PTPRT: variants seen among roughly 807,000 people sequenced by gnomAD.
The protein encoded by PTPRT is receptor-type tyrosine-protein phosphatase T.
Under a neutral mutation model 176.8 loss-of-function variants are expected in PTPRT, and 56 were observed. The ratio of observed to expected loss-of-function variants is 0.32; its 90% CI spans 0.26 to 0.40. The LOEUF is 0.40. PTPRT is among the 10% of genes least tolerant of loss of function. PTPRT has a pLI of 1.00. For missense variants in PTPRT, 1,540 were observed against 1,908.2 expected, an observed-to-expected ratio of 0.81 and a Z score of 3.60; for synonymous variants, 783 against 739.0, an observed-to-expected ratio of 1.06 and a Z score of -0.96.
At chr20:43,163,937 C>T (rs946146012) in intron 1 of PTPRT, among the ~76,000 whole-genome samples, 2 of 152,104 alleles carry the variant, frequency 1.3e-5, no homozygotes, top group African/African-American at 4.8e-5. Flanking sequence ...TATACAGATC[C>T]TTGCGTGCTA....
the PTPRT span, among the ~76,000 whole-genome samples, chr20:42,051,006 G>C: frequency 6.6e-6 from 1 of 152,250 alleles, no homozygotes; most frequent in Non-Finnish European, 1.5e-5. Context: ...AACTAAATGG[G>C]AGAAAGATAG....
chr20:42,055,818 G>A, the PTPRT span, among the ~76,000 whole-genome samples: 15 of 152,316 alleles, frequency 9.8e-5, no homozygotes, highest in Middle Eastern at 6.8e-3. Context: ...AACTGGTCTG[G>A]AACAGGTGCC....
At chr20:42,945,532 C>T (rs112612402) in intron 1 of PTPRT, among the ~76,000 whole-genome samples, 43 of 152,338 alleles carry the variant, frequency 2.8e-4, no homozygotes, top group African/African-American at 9.9e-4. Flanking sequence ...CCAGCGGATG[C>T]TCCCTGCTTC....
At chr20:42,792,546 C>T (rs771594809) in intron 2 of PTPRT, among the ~76,000 whole-genome samples, 2 of 152,064 alleles carry the variant, frequency 1.3e-5, no homozygotes, top group African/African-American at 2.4e-5. Context: ...ATTTCACAAG[C>T]AACTGGGAGG....
chr20:43,167,969 C>T (rs1024239472), intron 1 of PTPRT, among the ~76,000 whole-genome samples: 3 of 152,198 alleles, frequency 2.0e-5, no homozygotes, highest in African/African-American at 7.2e-5. Flanking sequence ...GACTACTGAC[C>T]CACAGAAACT....
At chr20:42,980,096 T>C (rs1983190529) in intron 1 of PTPRT, among the ~76,000 whole-genome samples, 1 of 152,102 alleles carries the variant, frequency 6.6e-6, no homozygotes, top group African/African-American at 2.4e-5. Context: ...TCAGAGCAAT[T>C]ATAAATGGTA....
At chr20:42,682,015 T>C (rs962751131) in intron 6 of PTPRT, among the ~76,000 whole-genome samples, 1 of 152,214 alleles carries the variant, frequency 6.6e-6, no homozygotes, top group Non-Finnish European at 1.5e-5. Flanking sequence ...AGAAGCATAG[T>C]GACCTGAGGG....
At chr20:42,627,138 T>C (rs6030379) in intron 7 of PTPRT, among the ~76,000 whole-genome samples, 34,716 of 151,826 alleles carry the variant, frequency 0.23, 4,347 homozygotes, top group Non-Finnish European at 0.29. Context: ...AGATTTTTGG[T>C]ACGATTTTAT....
Position 42,286,995 on chromosome 20 carries a change from C to A in PTPRT, c.2140-4470G>T, listed in dbSNP as rs570526685. ...GGCCAACAAATATATAAAAAATGCT[C>A]AATATCACTAATCATCAGGGACATG... On this transcript the variant is annotated intron_variant, in intron 12 of 30. Coordinates refer to ENST00000373187, the MANE Select transcript of PTPRT (RefSeq NM_007050.6). Among the ~76,000 whole-genome samples the A allele has an allele frequency of 2.4e-3, 362 of 151,984 alleles. 19 individuals carry two copies. The South Asian group carries it at 0.073, about 30-fold the overall frequency.
chr20:42,275,404 G>A (rs77356497), intron 13 of PTPRT, among the ~76,000 whole-genome samples: 2 of 152,116 alleles, frequency 1.3e-5, no homozygotes, highest in Admixed American at 1.3e-4. Flanking sequence ...CGATCAAGTC[G>A]ACTCAGGTGT....
rs368010010 is a variant in PTPRT at position 42,894,509 on chromosome 20, T to C, written c.89-8577A>G. 2.9e-4 allele frequency among the ~76,000 whole-genome samples: 44 copies of C among 151,316 alleles called. 2 individuals carry two copies. In the South Asian group the frequency reaches 8.8e-3, roughly 30 times the overall value. ...AACCCCAATTTTATAGACAAAGAAA[T>C]GAAGGCATAGAAAGGTTAAAAAAAA... On this transcript the variant is annotated intron_variant, in intron 1 of 30. Transcript: ENST00000373187.
At chr20:42,423,729 GATAA>G (rs1398520336) in intron 9 of PTPRT, among the ~76,000 whole-genome samples, 1 of 152,166 alleles carries the variant, frequency 6.6e-6, no homozygotes, top group Non-Finnish European at 1.5e-5. Flanking sequence ...TTCCATAATG[GATAA>G]ATGTTAGAGG....
At chr20:43,117,686 G>C (rs2013110283) in intron 1 of PTPRT, among the ~76,000 whole-genome samples, 1 of 152,144 alleles carries the variant, frequency 6.6e-6, no homozygotes, top group Non-Finnish European at 1.5e-5. Context: ...GTGCACTGTA[G>C]CGGCAAGAGT....
chr20:42,373,205 G>C (rs1433255860), intron 9 of PTPRT, among the ~76,000 whole-genome samples: 1 of 152,184 alleles, frequency 6.6e-6, no homozygotes, highest in African/African-American at 2.4e-5. Context: ...GAGGAGACAG[G>C]CTCAGAGAGG....
intron 1 of PTPRT, chr20:42,968,625 G>A (rs973715201): frequency 3.3e-5 from 5 of 152,224 alleles, no homozygotes; most frequent in African/African-American, 1.2e-4. Flanking sequence ...GGCATTTCCT[G>A]GAGTTTCCGG....
intron 1 of PTPRT, among the ~76,000 whole-genome samples, chr20:42,934,004 A>T (rs924586525): frequency 2.6e-5 from 4 of 152,176 alleles, no homozygotes; most frequent in African/African-American, 9.7e-5. Flanking sequence ...TCTGGAACTC[A>T]TTTTTCCCCA....
intron 9 of PTPRT, among the ~76,000 whole-genome samples, chr20:42,366,800 C>G (rs546751976): frequency 2.2e-4 from 33 of 152,358 alleles, no homozygotes; most frequent in African/African-American, 7.7e-4. Context: ...AGGCTATAAA[C>G]TTGGTGTCCT....
intron 1 of PTPRT, among the ~76,000 whole-genome samples, chr20:43,163,346 A>G (rs1354517654): frequency 6.6e-6 from 1 of 152,164 alleles, no homozygotes; most frequent in Non-Finnish European, 1.5e-5. Context: ...TGGGAAGTAA[A>G]GAACAGGCTG....
chr20:42,834,776 A>T (rs2078152774), intron 2 of PTPRT, among the ~76,000 whole-genome samples: 1 of 152,108 alleles, frequency 6.6e-6, no homozygotes, highest in South Asian at 2.1e-4. Context: ...TGGATATATG[A>T]TTCTACACAT....
Sources: gnomAD v4.1 joint callset for allele counts (sites outside exome capture counted in the v4.1 genomes callset) on GRCh38, gnomAD v4.1.1 for gene constraint, MANE v1.5 for transcripts, NCBI Gene and HGNC (gene_info 2026-07-23, HGNC 2026-07-21) for gene names.